The following GLIS3 variants were observed in gnomAD, a reference collection of about 807,000 sequenced individuals.
GLIS3 encodes the protein zinc finger protein GLIS3.
Under a neutral mutation model 78.6 loss-of-function variants are expected in GLIS3, and 53 were observed. That is an observed-to-expected ratio of 0.67 (90% CI 0.54 to 0.85). The LOEUF is 0.85. Ranked by LOEUF, GLIS3 falls within the 40% of genes least tolerant of loss-of-function variation. The pLI is 0.00. For synonymous variants in GLIS3, 684 were observed against 509.9 expected, an observed-to-expected ratio of 1.34 and a Z score of -4.60; for missense variants, 1,703 against 1,231.1, an observed-to-expected ratio of 1.38 and a Z score of -5.74.
At position 4,325,815 on chromosome 9, in the gene GLIS3, T is replaced by C. The variant is rs528711872; in HGVS notation, n.265-15287A>G. Among the ~76,000 whole-genome samples, 3 of 152,312 alleles carry C rather than the reference T, an allele frequency of 2.0e-5. No homozygotes were observed. In the East Asian group the frequency reaches 5.8e-4, roughly 29 times the overall value. Reference sequence around the variant, plus strand: ...TGAAATCAACCTAGATGCCCATCAATGATAGACTGGATAAAGAAAATGTGG... The same window carrying C: ...TGAAATCAACCTAGATGCCCATCAACGATAGACTGGATAAAGAAAATGTGG... On this transcript the variant is annotated intron_variant and non_coding_transcript_variant, in intron 2 of 4. Transcript: ENST00000471664.
intron 8 of GLIS3, among the ~76,000 whole-genome samples, chr9:3,861,020 T>A (rs1820179744): frequency 6.6e-6 from 1 of 152,184 alleles, no homozygotes. Flanking sequence ...GGATTAGGAA[T>A]AATTTTAAAT....
At chr9:3,883,709 G>A (rs538379778) in intron 7 of GLIS3, among the ~76,000 whole-genome samples, 1 of 152,152 alleles carries the variant, frequency 6.6e-6, no homozygotes, top group Non-Finnish European at 1.5e-5. Flanking sequence ...TGTCAACTCC[G>A]GGGTCATTAC....
the GLIS3 span, among the ~76,000 whole-genome samples, chr9:4,457,229 C>T: frequency 1.3e-5 from 2 of 152,090 alleles, no homozygotes; most frequent in Non-Finnish European, 2.9e-5. Context: ...GGCTTGGTGG[C>T]ACACACTTGT....
intron 2 of GLIS3, among the ~76,000 whole-genome samples, chr9:4,195,532 C>T (rs1293444850): frequency 6.6e-6 from 1 of 152,244 alleles, no homozygotes; most frequent in Non-Finnish European, 1.5e-5. Flanking sequence ...AGCCACCTCC[C>T]CATGGGGCAG....
intron 4 of GLIS3, among the ~76,000 whole-genome samples, chr9:4,092,123 T>A (rs1016857589): frequency 6.6e-6 from 1 of 150,850 alleles, no homozygotes; most frequent in Admixed American, 6.7e-5. Context: ...TCTTTAATAA[T>A]AAATTTATCT....
the GLIS3 span, among the ~76,000 whole-genome samples, chr9:4,474,499 T>G: frequency 6.6e-6 from 1 of 152,148 alleles, no homozygotes; most frequent in African/African-American, 2.4e-5. Context: ...ATTAATTGGA[T>G]ATCCATAGGG....
At chr9:4,018,328 G>T (rs1431164941) in intron 4 of GLIS3, among the ~76,000 whole-genome samples, 2 of 152,132 alleles carry the variant, frequency 1.3e-5, no homozygotes, top group African/African-American at 4.8e-5. Flanking sequence ...GACTGGCTCT[G>T]GCAGCCTCGG....
chr9:4,077,032 C>T, intron 4 of GLIS3, among the ~76,000 whole-genome samples: 1 of 152,276 alleles, frequency 6.6e-6, no homozygotes, highest in East Asian at 1.9e-4. Flanking sequence ...GCACTCCAGC[C>T]TGGGTGAGAG....
chr9:4,284,692 C>G (rs183936178), intron 2 of GLIS3, among the ~76,000 whole-genome samples: 74 of 151,598 alleles, frequency 4.9e-4, no homozygotes, highest in Admixed American at 1.2e-3. Flanking sequence ...AGGCAGATCA[C>G]TTGAGCTCAG....
At chr9:4,285,083 A>G (rs1292533259) in intron 2 of GLIS3, among the ~76,000 whole-genome samples, 5 of 152,250 alleles carry the variant, frequency 3.3e-5, no homozygotes, top group Admixed American at 6.5e-5. Context: ...TAACTGAATG[A>G]CTGGCTATTC....
intron 2 of GLIS3, among the ~76,000 whole-genome samples, chr9:4,232,372 C>T (rs74438110): frequency 5.2e-4 from 62 of 118,988 alleles, no homozygotes; most frequent in African/African-American, 1.9e-3. Flanking sequence ...CAGAGGCAGA[C>T]CTTGTCTCTT....
chr9:4,153,795 T>C (rs1188147974), intron 2 of GLIS3, among the ~76,000 whole-genome samples: 2 of 152,260 alleles, frequency 1.3e-5, no homozygotes, highest in Non-Finnish European at 2.9e-5. Flanking sequence ...ATACATGTTC[T>C]GATTATCTAC....
intron 4 of GLIS3, among the ~76,000 whole-genome samples, chr9:4,047,203 G>C (rs1396758388): frequency 6.6e-6 from 1 of 152,014 alleles, no homozygotes; most frequent in Non-Finnish European, 1.5e-5. Context: ...TTCCCCCTTC[G>C]CTCTGTCTCT....
At chr9:4,474,985 AT>A in the GLIS3 span, among the ~76,000 whole-genome samples, 1 of 114,490 alleles carries the variant, frequency 8.7e-6, no homozygotes, top group East Asian at 2.3e-4. Context: ...GACTATGTTA[AT>A]TTTTTTTTCT....
At chr9:4,430,695 A>G in the GLIS3 span, among the ~76,000 whole-genome samples, 47,438 of 152,036 alleles carry the variant, frequency 0.31, 9,219 homozygotes, top group African/African-American at 0.56. Flanking sequence ...AGGAGCCCCA[A>G]TGGCCACTGG....
intron 4 of GLIS3, among the ~76,000 whole-genome samples, chr9:3,972,218 C>T (rs115465071): frequency 0.018 from 2,674 of 152,300 alleles, 34 homozygotes; most frequent in Middle Eastern, 0.034. Context: ...TATAGGTCCT[C>T]TTATCCCCTC....
Position 4,343,103 on chromosome 9 carries a change from C to T in GLIS3, n.264+3978G>A, listed in dbSNP as rs1587395908. ...CCTACAATCCCAGCACTGTGGGAGG[C>T]CAAGGCAGGAGGATCACTTGAGCCC... On this transcript the variant is annotated intron_variant and non_coding_transcript_variant, in intron 2 of 4. Coordinates refer to the GLIS3 transcript ENST00000471664. Among the ~76,000 whole-genome samples the T allele has an allele frequency of 2.0e-5, 3 of 152,130 alleles. No homozygotes were observed. The South Asian group carries it at 6.2e-4, about 32-fold the overall frequency.
intron 2 of GLIS3, among the ~76,000 whole-genome samples, chr9:4,139,227 G>A (rs1462346623): frequency 1.3e-5 from 2 of 152,146 alleles, no homozygotes; most frequent in Non-Finnish European, 2.9e-5. Flanking sequence ...AAAAGCAGAG[G>A]CTGGGTGAGA....
intron 7 of GLIS3, among the ~76,000 whole-genome samples, chr9:3,885,586 C>T (rs1310753782): frequency 6.6e-6 from 1 of 152,114 alleles, no homozygotes; most frequent in African/African-American, 2.4e-5. Context: ...ATCTCTTGGG[C>T]AGTATTTCCA....
Sources: gnomAD v4.1 joint callset for allele counts (sites outside exome capture counted in the v4.1 genomes callset) on GRCh38, gnomAD v4.1.1 for gene constraint, MANE v1.5 for transcripts, NCBI Gene and HGNC (gene_info 2026-07-23, HGNC 2026-07-21) for gene names.